The following USP25 variants were observed in gnomAD, a reference collection of about 807,000 sequenced individuals.
The protein encoded by USP25 is ubiquitin specific peptidase 25, also known as ubiquitin carboxyl-terminal hydrolase 25.
A neutral mutation model predicts 158.5 loss-of-function variants in USP25; 85 were observed. The ratio of observed to expected loss-of-function variants is 0.54; its 90% CI spans 0.45 to 0.64. The LOEUF is 0.64. Among genes scored for constraint, USP25 ranks in the 30% least tolerant of loss-of-function variants. USP25 has a pLI of 0.00. For synonymous variants in USP25, 464 were observed against 460.4 expected, an observed-to-expected ratio of 1.01 and a Z score of -0.10; for missense variants, 1,242 against 1,327.3, an observed-to-expected ratio of 0.94 and a Z score of 1.00.
Position 15,878,325 on chromosome 21 carries a change from A to G in USP25, c.3228A>G (p.Thr1076=). The G allele has an allele frequency of 1.2e-6, 2 of 1,612,168 alleles. No homozygotes were observed. The highest frequency in any genetic ancestry group is 1.7e-6 in the Non-Finnish European group (2 of 1,179,170). Residue 1076 remains threonine, a synonymous_variant, in exon 26 of 26, where the codon ACA becomes ACG. Transcript: ENST00000400183. ...CAGCACACCTCCAAGAAAAGCTGAC[A>G]GATTTTTTGCCAAAACTGCTTGATT... ...EMEPHLQEKL[T]DFLPKLLDCS...
chr21:15,772,761 G>A (rs1181826567), intron 3 of USP25, among the ~76,000 whole-genome samples: 1 of 152,172 alleles, frequency 6.6e-6, no homozygotes, highest in African/African-American at 2.4e-5. Context: ...TAACCAGTCT[G>A]TTGAAATAAC....
At chr21:15,828,020 G>A (rs957701917) in intron 14 of USP25, among the ~76,000 whole-genome samples, 3 of 151,524 alleles carry the variant, frequency 2.0e-5, no homozygotes, top group Non-Finnish European at 2.9e-5. Context: ...CCAATTTTAT[G>A]CTGATTTATT....
chr21:15,827,298 A>C (rs1206816487), intron 14 of USP25, 95 bp downstream of exon 14: 1 of 1,052,198 alleles, frequency 9.5e-7, no homozygotes, highest in Non-Finnish European at 1.4e-6. Context: ...TTTTATATTT[A>C]AATATTATAG....
intron 23 of USP25, among the ~76,000 whole-genome samples, chr21:15,873,464 C>G (rs1231685393): frequency 6.6e-6 from 1 of 151,826 alleles, no homozygotes; most frequent in African/African-American, 2.4e-5. Context: ...TTCATAATAT[C>G]TAGACTTACA....
intron 1 of USP25, among the ~76,000 whole-genome samples, chr21:15,745,628 A>G (rs557275652): frequency 6.9e-4 from 104 of 151,704 alleles, no homozygotes; most frequent in African/African-American, 2.4e-3. Context: ...GGCATGCACC[A>G]CCACGCTCAG....
chr21:15,730,221 C>A lies in USP25; in HGVS notation c.-173C>A. 1.5e-6 allele frequency: 1 copy of A among 660,318 alleles called. No individual in the cohort carries two copies. The highest frequency in any genetic ancestry group is 1.9e-6 in the Non-Finnish European group (1 of 534,374). 40.9% of individuals were successfully genotyped at this position (660,318 alleles called of 1,614,324 possible). ...CAGTCGGCGTTTCGCCGCCTGCCCGCGGTGCCCGCGCACGCCGGCCGCCAT... is the reference window on the plus strand; with the variant it reads ...CAGTCGGCGTTTCGCCGCCTGCCCGAGGTGCCCGCGCACGCCGGCCGCCAT... On this transcript the variant is annotated 5_prime_UTR_variant, in exon 1 of 26. Coordinates refer to ENST00000400183, the MANE Select transcript of USP25 (RefSeq NM_001283041.3).
At chr21:15,806,704 A>C (rs894049910) in intron 7 of USP25, among the ~76,000 whole-genome samples, 2 of 152,312 alleles carry the variant, frequency 1.3e-5, no homozygotes, top group South Asian at 4.1e-4. Flanking sequence ...AAGGTTGATA[A>C]GTTTGATTCT....
chr21:15,789,844 A>G (rs1425167624), intron 4 of USP25, among the ~76,000 whole-genome samples: 5 of 152,124 alleles, frequency 3.3e-5, no homozygotes, highest in African/African-American at 1.2e-4. Flanking sequence ...AAAAGTCAAT[A>G]AAAAGTTAAA....
At chr21:15,732,159 A>G (rs2030975330) in intron 1 of USP25, among the ~76,000 whole-genome samples, 1 of 152,182 alleles carries the variant, frequency 6.6e-6, no homozygotes, top group African/African-American at 2.4e-5. Context: ...ACTTTAATGA[A>G]TCCCCTCCAC....
Position 15,877,790 on chromosome 21 carries a change from A to G in USP25, c.3010-6A>G, listed in dbSNP as rs910683518. On this transcript the variant is annotated splice_polypyrimidine_tract_variant and splice_region_variant and intron_variant, in intron 24 of 25. Transcript: ENST00000400183. ...TATTCTTTTTTTTTTCCTGCATTGC[A>G]TTAAGAAATTAAATGAGCAAGCCGC... 4 of 1,587,772 alleles carry G rather than the reference A, an allele frequency of 2.5e-6. No individual in the cohort carries two copies. The highest frequency in any genetic ancestry group is 1.9e-5 in the Admixed American group (1 of 53,592).
At chr21:15,835,504 C>T (rs1475925645) in intron 17 of USP25, among the ~76,000 whole-genome samples, 1 of 152,208 alleles carries the variant, frequency 6.6e-6, no homozygotes, top group African/African-American at 2.4e-5. Flanking sequence ...ATCAATACAT[C>T]TGACCATACA....
At chr21:15,811,273 C>A in intron 9 of USP25, 63 bp downstream of exon 9, 1 of 1,414,036 alleles carries the variant, frequency 7.1e-7, no homozygotes, top group Non-Finnish European at 9.7e-7. Context: ...TCATTCGTCT[C>A]GATAGTTACT....
Position 15,864,338 on chromosome 21 carries a change from G to A in USP25, c.2618G>A (p.Arg873His), listed in dbSNP as rs1426144494. The A allele has an allele frequency of 3.7e-6, 6 of 1,613,406 alleles. No homozygotes were observed. Among genetic ancestry groups the A allele is most frequent in the Admixed American group, 1.7e-5 (1 of 59,950 alleles). Reference sequence around the variant, plus strand: ...GACACCCCACCAGAAACCGATTATCGTTTACATCATGTAGTGGTCTACTTT... The same window carrying A: ...GACACCCCACCAGAAACCGATTATCATTTACATCATGTAGTGGTCTACTTT... Reference protein sequence around the residue: ...QEDTPPETDYRLHHVVVYFIQ... With the variant: ...QEDTPPETDYHLHHVVVYFIQ... The change falls in exon 21 of 26, where the codon CGT becomes CAT. Residue 873 changes from arginine (R) to histidine (H), a missense_variant. By Grantham distance (29) the Arg-to-His change is conservative (BLOSUM62 0). Coordinates refer to ENST00000400183, the MANE Select transcript of USP25 (RefSeq NM_001283041.3).
At chr21:15,822,221 A>G (rs957788701) in intron 10 of USP25, among the ~76,000 whole-genome samples, 1 of 152,116 alleles carries the variant, frequency 6.6e-6, no homozygotes, top group African/African-American at 2.4e-5. Context: ...GCAGAGCTAG[A>G]CATACCATTA....
intron 1 of USP25, among the ~76,000 whole-genome samples, chr21:15,750,932 A>G (rs1045502625): frequency 2.6e-5 from 4 of 152,050 alleles, no homozygotes; most frequent in African/African-American, 9.7e-5. Context: ...TTTTCTCTTA[A>G]AACTGTAGAA....
intron 1 of USP25, among the ~76,000 whole-genome samples, chr21:15,744,474 C>T (rs1000420098): frequency 5.3e-5 from 8 of 151,870 alleles, no homozygotes; most frequent in Non-Finnish European, 7.4e-5. Flanking sequence ...TACAGGTACA[C>T]GCCACCAGGC....
intron 1 of USP25, among the ~76,000 whole-genome samples, chr21:15,753,159 G>C (rs550185998): frequency 6.6e-6 from 1 of 152,346 alleles, no homozygotes; most frequent in East Asian, 1.9e-4. Context: ...AGGGGTCCCA[G>C]TGGTGCAAAT....
intron 20 of USP25, among the ~76,000 whole-genome samples, chr21:15,853,531 C>T (rs1237923197): frequency 6.6e-6 from 1 of 152,090 alleles, no homozygotes; most frequent in Non-Finnish European, 1.5e-5. Context: ...CGTTTTCCTA[C>T]TTTATGGATT....
rs1249277845 is a variant in USP25 at position 15,875,901 on chromosome 21, G to A, written c.3009+1375G>A. 1 of 152,202 alleles carries A rather than the reference G, an allele frequency of 6.6e-6. No individual in the cohort carries two copies. The highest frequency in any genetic ancestry group is 1.5e-5 in the Non-Finnish European group (1 of 68,042). The allele number at this position is 152,202 out of a possible 1,614,324, so 9.4% of individuals were successfully genotyped here. On this transcript the variant is annotated intron_variant, in intron 24 of 25. Transcript: ENST00000400183. This position sits in a 1 kb window ranked among gnomAD's most constrained non-coding sequence, Gnocchi z 4.7. ...GAAAATAATTCTGGTAATAATAATA[G>A]CATTCTAGAGGATGAACAGGAAAGA...
Sources: gnomAD v4.1 joint callset for allele counts (sites outside exome capture counted in the v4.1 genomes callset) on GRCh38, gnomAD v4.1.1 for gene constraint, Gnocchi (gnomAD v3.1) non-coding constraint, MANE v1.5 for transcripts, NCBI Gene and HGNC (gene_info 2026-07-23, HGNC 2026-07-21) for gene names.